CELF2: variants seen among roughly 807,000 people sequenced by gnomAD.
CELF2 encodes the protein CUG triplet repeat RNA-binding protein 2.
Under a neutral mutation model 62.6 loss-of-function variants are expected in CELF2, and 8 were observed. That is an observed-to-expected ratio of 0.13 (90% CI 0.07 to 0.23). CELF2 has a LOEUF of 0.23. CELF2 is among the 10% of genes least tolerant of loss of function. The probability of loss-of-function intolerance (pLI) is 1.00; values close to 1 mark genes in which losing one functional copy is unlikely to be tolerated. For missense variants in CELF2, 333 were observed against 671.0 expected (o/e 0.50, Z 5.56); for synonymous variants, 258 against 250.0 (o/e 1.03, Z -0.30).
At chr10:11,196,609 C>T (rs964797823) in intron 2 of CELF2, among the ~76,000 whole-genome samples, 1 of 151,842 alleles carries the variant, frequency 6.6e-6, no homozygotes, top group South Asian at 2.1e-4. Flanking sequence ...TGTGGTTATA[C>T]TGCACTCCAG....
the CELF2 span, among the ~76,000 whole-genome samples, chr10:10,537,989 G>A: frequency 6.6e-6 from 1 of 152,070 alleles, no homozygotes; most frequent in Non-Finnish European, 1.5e-5. Flanking sequence ...TTGTCCCCAA[G>A]GGCTCTTCAT....
At chr10:10,905,359 A>G (rs1301446126) in intron 1 of CELF2, among the ~76,000 whole-genome samples, 2 of 152,224 alleles carry the variant, frequency 1.3e-5, no homozygotes, top group Admixed American at 6.5e-5. Flanking sequence ...AATACTATTT[A>G]TTCACCACCA....
chr10:11,069,502 G>C lies in CELF2; in HGVS notation c.74+51339G>C, dbSNP rs2069139526. 2.0e-5 allele frequency among the ~76,000 whole-genome samples: 3 copies of C among 152,170 alleles called. No individual in the cohort carries two copies. In the South Asian group the frequency reaches 6.2e-4, roughly 32 times the overall value. On this transcript the variant is annotated intron_variant, in intron 1 of 12. Coordinates refer to ENST00000633077, the MANE Select transcript of CELF2 (RefSeq NM_001326342.2). Reference sequence around the variant, plus strand: ...TCATATCCAGTTAGTCATTCAGTAGGGAGTACTTCATCATGCAACATTTTG... The same window carrying C: ...TCATATCCAGTTAGTCATTCAGTAGCGAGTACTTCATCATGCAACATTTTG...
intron 2 of CELF2, among the ~76,000 whole-genome samples, chr10:11,206,210 A>G (rs2060391170): frequency 6.6e-6 from 1 of 152,202 alleles, no homozygotes; most frequent in African/African-American, 2.4e-5. Context: ...AAGCTGATGC[A>G]TCGTCAAAGC....
At chr10:10,868,071 T>A (rs1186364134) in intron 1 of CELF2, among the ~76,000 whole-genome samples, 1 of 152,204 alleles carries the variant, frequency 6.6e-6, no homozygotes, top group Non-Finnish European at 1.5e-5. Context: ...TATCCAAAAG[T>A]CAAATTCCTA....
In CELF2 at chr10:10,993,340, T is replaced by C. The variant is rs1034351145; in HGVS notation, c.89+73341T>C. On this transcript the variant is annotated intron_variant, in intron 2 of 13. Coordinates refer to the CELF2 transcript ENST00000636488. The surrounding 1 kb of genome is among the most constrained non-coding windows in gnomAD (Gnocchi z 5.3). The stretch of plus-strand genomic sequence containing the variant: ...CATTTCAAAGCCATCACAAGAGGCA[T>C]CTAATTGAAGCTACTAGAAAGAGTA... Among the ~76,000 whole-genome samples the C allele has an allele frequency of 6.6e-6, 1 of 152,100 alleles. No homozygotes were observed. The highest frequency in any genetic ancestry group is 1.5e-5 in the Non-Finnish European group (1 of 68,012).
intron 1 of CELF2, among the ~76,000 whole-genome samples, chr10:10,901,338 A>G (rs965038599): frequency 1.3e-5 from 2 of 152,216 alleles, no homozygotes; most frequent in Non-Finnish European, 2.9e-5. Flanking sequence ...AGGCAACAGA[A>G]TAGAAAACCT....
chr10:10,846,050 C>A (rs915393201), intron 1 of CELF2: 7 of 961,008 alleles, frequency 7.3e-6, no homozygotes, highest in Non-Finnish European at 7.4e-6. Context: ...CTGTGAACCC[C>A]CTTTCATTGT....
chr10:10,543,330 C>T, the CELF2 span, among the ~76,000 whole-genome samples: 1 of 152,180 alleles, frequency 6.6e-6, no homozygotes, highest in Non-Finnish European at 1.5e-5. Context: ...AAGCAAGTCT[C>T]AAAATTCCCT....
the CELF2 span, among the ~76,000 whole-genome samples, chr10:10,699,971 T>C: frequency 6.6e-6 from 1 of 152,174 alleles, no homozygotes; most frequent in Admixed American, 6.5e-5. Flanking sequence ...AATACTGAAA[T>C]GCTGATATTT....
chr10:11,331,629 G>C lies in CELF2; in HGVS notation c.*2576G>C, dbSNP rs2096023429. On this transcript the variant is annotated 3_prime_UTR_variant, in exon 13 of 13. Transcript: ENST00000633077. ...TAAAAAAAAAAACAAAACAAAAAAAGGTTACAAAGTTTGTTAACTTGCTAT... is the reference window on the plus strand; with the variant it reads ...TAAAAAAAAAAACAAAACAAAAAAACGTTACAAAGTTTGTTAACTTGCTAT... 1 of 152,058 alleles carries C rather than the reference G, an allele frequency of 6.6e-6. No individual in the cohort carries two copies. Among genetic ancestry groups the C allele is most frequent in the Non-Finnish European group, 1.5e-5 (1 of 67,940 alleles). 9.4% of individuals were successfully genotyped at this position (152,058 alleles called of 1,614,324 possible). A position where few individuals can be genotyped will look rare whatever the true frequency, so the allele number is the denominator to read the frequency against.
chr10:11,084,410 A>G (rs7894358), intron 1 of CELF2, among the ~76,000 whole-genome samples: 38,059 of 152,182 alleles, frequency 0.25, 5,055 homozygotes, highest in Middle Eastern at 0.31. Flanking sequence ...CCAGAGCACA[A>G]TTAAGTGTGC....
chr10:10,668,470 T>C, the CELF2 span, among the ~76,000 whole-genome samples: 7 of 152,214 alleles, frequency 4.6e-5, no homozygotes, highest in Non-Finnish European at 7.3e-5. Flanking sequence ...AGTTCCATGG[T>C]ACGAATTTCT....
chr10:10,896,867 T>C (rs1377237840), intron 1 of CELF2, among the ~76,000 whole-genome samples: 1 of 152,202 alleles, frequency 6.6e-6, no homozygotes, highest in Non-Finnish European at 1.5e-5. Flanking sequence ...ATAAACCCAT[T>C]CTGAAGTTGA....
chr10:11,259,904 G>A (rs1009781364), intron 5 of CELF2, among the ~76,000 whole-genome samples: 2 of 152,200 alleles, frequency 1.3e-5, no homozygotes, highest in Non-Finnish European at 2.9e-5. Context: ...TGCCAATTTA[G>A]TAGTTAGAAT....
chr10:10,687,508 T>C, the CELF2 span, among the ~76,000 whole-genome samples: 1 of 152,220 alleles, frequency 6.6e-6, no homozygotes, highest in Non-Finnish European at 1.5e-5. Context: ...ATTGTTCTTA[T>C]GTAAACTCAT....
intron 1 of CELF2, among the ~76,000 whole-genome samples, chr10:11,148,101 C>T (rs547440943): frequency 2.3e-4 from 35 of 152,358 alleles, no homozygotes; most frequent in Middle Eastern, 3.4e-3. Flanking sequence ...GCAAGAAGAA[C>T]GTGGCTTGAT....
the CELF2 span, among the ~76,000 whole-genome samples, chr10:10,488,386 C>G: frequency 6.6e-6 from 1 of 152,090 alleles, no homozygotes; most frequent in Non-Finnish European, 1.5e-5. Flanking sequence ...TCCTCATCTG[C>G]AACAAAGAAG....
chr10:11,198,254 A>G (rs1356919329), intron 2 of CELF2, among the ~76,000 whole-genome samples: 1 of 152,230 alleles, frequency 6.6e-6, no homozygotes, highest in Non-Finnish European at 1.5e-5. Flanking sequence ...AAAAATAATT[A>G]TTCTGCTGTC....
Sources: gnomAD v4.1 joint callset for allele counts (sites outside exome capture counted in the v4.1 genomes callset) on GRCh38, gnomAD v4.1.1 for gene constraint, Gnocchi (gnomAD v3.1) non-coding constraint, MANE v1.5 for transcripts, NCBI Gene and HGNC (gene_info 2026-07-23, HGNC 2026-07-21) for gene names.